The following PACSIN2 variants were observed in gnomAD, a reference collection of about 807,000 sequenced individuals.
The protein encoded by PACSIN2 is protein kinase C and casein kinase substrate in neurons 2.
Under a neutral mutation model 63.8 loss-of-function variants are expected in PACSIN2, and 25 were observed. The ratio of observed to expected loss-of-function variants is 0.39; its 90% confidence interval spans 0.29 to 0.55. PACSIN2 has a LOEUF of 0.55. PACSIN2 is among the 20% of genes least tolerant of loss of function. The pLI is 0.62. For synonymous variants in PACSIN2, 255 were observed against 256.2 expected (o/e 1.00, Z 0.05); for missense variants, 518 against 646.9 (o/e 0.80, Z 2.16).
At chr22:42,993,579 T>C (rs1202905453) in intron 1 of PACSIN2, 2 of 152,242 alleles carry the variant, frequency 1.3e-5, no homozygotes, top group Non-Finnish European at 2.9e-5. Context: ...GTCAAAATTT[T>C]ATACAGAAAG....
intron 5 of PACSIN2, among the ~76,000 whole-genome samples, chr22:42,888,330 C>T (rs953971201): frequency 2.6e-5 from 4 of 152,210 alleles, no homozygotes; most frequent in African/African-American, 9.6e-5. Context: ...CCACTGGCGA[C>T]GCCCATGTTG....
chr22:42,992,805 C>A (rs1923130667), intron 1 of PACSIN2, among the ~76,000 whole-genome samples: 1 of 152,152 alleles, frequency 6.6e-6, no homozygotes, highest in Admixed American at 6.5e-5. Flanking sequence ...ATAAATGCTA[C>A]AACAATCTCA....
intron 1 of PACSIN2, among the ~76,000 whole-genome samples, chr22:42,983,732 G>A (rs1042444472): frequency 8.5e-5 from 13 of 152,082 alleles, no homozygotes; most frequent in Non-Finnish European, 1.9e-4. Flanking sequence ...GAGTAGCTGG[G>A]ACTATAGGAG....
At chr22:42,957,115 G>A (rs543033689) in intron 1 of PACSIN2, among the ~76,000 whole-genome samples, 3 of 150,138 alleles carry the variant, frequency 2.0e-5, no homozygotes, top group Non-Finnish European at 4.4e-5. Context: ...GGATAATGTC[G>A]CCTGGCTCAC....
intron 5 of PACSIN2, among the ~76,000 whole-genome samples, chr22:42,887,771 A>G (rs1324012837): frequency 1.3e-5 from 2 of 152,178 alleles, no homozygotes; most frequent in Admixed American, 1.3e-4. Context: ...TCACTTATCT[A>G]CACCTGCGGA....
At chr22:42,946,979 C>G (rs1042601199) in intron 1 of PACSIN2, 3 of 152,304 alleles carry the variant, frequency 2.0e-5, no homozygotes, top group Admixed American at 2.0e-4. Flanking sequence ...GCCAGAGCAG[C>G]CACGGCCACA....
chr22:42,884,712 G>T (rs751770535), intron 5 of PACSIN2, 151 bp from the exon 6 acceptor site: 2 of 622,092 alleles, frequency 3.2e-6, no homozygotes, highest in African/African-American at 1.8e-5. Flanking sequence ...TCAAGTCCCA[G>T]TTCCTCCACT....
chr22:42,886,256 C>T (rs1929465444), intron 5 of PACSIN2, among the ~76,000 whole-genome samples: 1 of 152,194 alleles, frequency 6.6e-6, no homozygotes, highest in African/African-American at 2.4e-5. Flanking sequence ...TCAGCGAACA[C>T]CCATGGAGTA....
chr22:42,987,767 C>T (rs1922739666), intron 1 of PACSIN2, among the ~76,000 whole-genome samples: 1 of 151,928 alleles, frequency 6.6e-6, no homozygotes, highest in South Asian at 2.1e-4. Flanking sequence ...ATCTCCTGAC[C>T]TCATCATCTA....
chr22:42,900,331 C>G lies in PACSIN2; in HGVS notation c.61-6718G>C, dbSNP rs1602209077. On this transcript the variant is annotated intron_variant, in intron 2 of 10. Coordinates refer to ENST00000263246, the MANE Select transcript of PACSIN2 (RefSeq NM_001184970.3). ...GCCTCCCGCCAAAAGGTGCCACACA[C>G]TGAGTGATTTTCACTAGCGACGGCG... Among the ~76,000 whole-genome samples the G allele has an allele frequency of 3.3e-5, 5 of 152,356 alleles. No individual in the cohort carries two copies. The South Asian group carries it at 8.3e-4, about 25-fold the overall frequency.
intron 2 of PACSIN2, 60 bp downstream of exon 2, chr22:42,911,961 G>A: frequency 2.3e-6 from 3 of 1,291,404 alleles, no homozygotes; most frequent in South Asian, 1.3e-5. Flanking sequence ...AAAACCAAAG[G>A]GCCTGCCAGA....
chr22:42,897,334 A>T (rs910523000), intron 2 of PACSIN2, among the ~76,000 whole-genome samples: 1 of 152,214 alleles, frequency 6.6e-6, no homozygotes, highest in African/African-American at 2.4e-5. Flanking sequence ...TGACAAATCG[A>T]TCATACATTA....
intron 1 of PACSIN2, among the ~76,000 whole-genome samples, chr22:42,942,335 T>A (rs1933207711): frequency 6.6e-6 from 1 of 152,122 alleles, no homozygotes; most frequent in Admixed American, 6.5e-5. Context: ...CTTGATAACA[T>A]CCTCTGAAGC....
intron 7 of PACSIN2, 28 bp downstream of exon 7, chr22:42,882,156 T>C (rs4822217): frequency 0.46 from 746,080 of 1,610,892 alleles, 177,944 homozygotes; most frequent in Middle Eastern, 0.5. Flanking sequence ...TCCAGGCTGA[T>C]GAGCTCATGG....
intron 2 of PACSIN2, among the ~76,000 whole-genome samples, chr22:42,910,479 T>C (rs1257474149): frequency 1.3e-5 from 2 of 152,178 alleles, no homozygotes; most frequent in African/African-American, 4.8e-5. Flanking sequence ...CGGGACCTGA[T>C]TACTGTGAAC....
At chr22:42,879,317 G>C in intron 7 of PACSIN2, 148 bp from the exon 8 acceptor site, 1 of 814,584 alleles carries the variant, frequency 1.2e-6, no homozygotes, top group Non-Finnish European at 1.9e-6. Flanking sequence ...TGGTTTCCCA[G>C]AAGACCTCAG....
At chr22:42,923,662 C>T (rs1390749684) in intron 1 of PACSIN2, among the ~76,000 whole-genome samples, 2 of 152,124 alleles carry the variant, frequency 1.3e-5, no homozygotes, top group Non-Finnish European at 2.9e-5. Context: ...CTCCTGACCT[C>T]GTGATCCGCC....
At chr22:42,938,075 A>C (rs955383684) in intron 1 of PACSIN2, among the ~76,000 whole-genome samples, 9 of 152,194 alleles carry the variant, frequency 5.9e-5, no homozygotes, top group African/African-American at 2.2e-4. Flanking sequence ...ACAGCCCTAA[A>C]AACGACTGCC....
intron 1 of PACSIN2, among the ~76,000 whole-genome samples, chr22:42,931,982 C>A (rs574103189): frequency 1.3e-4 from 20 of 152,274 alleles, no homozygotes; most frequent in Middle Eastern, 6.8e-3. Flanking sequence ...CAGTTTCTAG[C>A]CTCTTCAGGG....
Sources: gnomAD v4.1 joint callset for allele counts (sites outside exome capture counted in the v4.1 genomes callset) on GRCh38, gnomAD v4.1.1 for gene constraint, MANE v1.5 for transcripts, NCBI Gene and HGNC (gene_info 2026-07-23, HGNC 2026-07-21) for gene names.